Variants in SCTR observed in about 807,000 individuals in gnomAD.
SCTR encodes secretin receptor.
A neutral mutation model predicts 60.8 loss-of-function variants in SCTR; 56 were observed. That is an observed-to-expected ratio of 0.92 (90% CI 0.74 to 1.15). The LOEUF (loss-of-function observed/expected upper bound fraction) is 1.15, where lower values mean the gene tolerates loss of function less well. Among genes scored for constraint, SCTR ranks in the 50% most tolerant of loss-of-function variants. The probability of loss-of-function intolerance (pLI) is 0.00; values close to 1 mark genes in which losing one functional copy is unlikely to be tolerated. For synonymous variants in SCTR, 202 were observed against 217.0 expected (o/e 0.93, Z 0.61); for missense variants, 562 against 550.4 (o/e 1.02, Z -0.21).
Position 119,439,969 on chromosome 2 carries a change from T to A in SCTR, c.*148A>T. 1 of 804,502 alleles carries A rather than the reference T, an allele frequency of 1.2e-6. No homozygotes were observed. The highest frequency in any genetic ancestry group is 1.9e-6 in the Non-Finnish European group (1 of 521,314). 49.8% of individuals were successfully genotyped at this position (804,502 alleles called of 1,614,324 possible). A position where few individuals can be genotyped will look rare whatever the true frequency, so the allele number is the denominator to read the frequency against. Reference sequence around the variant, plus strand: ...CTGCCCCACAGTGCCTCACATCCCTTCGGAAGAGTCCAAGGCCTGGGGAGG... The same window carrying A: ...CTGCCCCACAGTGCCTCACATCCCTACGGAAGAGTCCAAGGCCTGGGGAGG... On this transcript the variant is annotated 3_prime_UTR_variant, in exon 13 of 13. Transcript: ENST00000019103.
chr2:119,467,614 A>G (rs1179372924), intron 4 of SCTR, among the ~76,000 whole-genome samples: 1 of 152,162 alleles, frequency 6.6e-6, no homozygotes, highest in East Asian at 1.9e-4. Flanking sequence ...CCTCCCTTCT[A>G]CCTTCAGGAA....
At chr2:119,501,303 G>A (rs977615654) in intron 1 of SCTR, among the ~76,000 whole-genome samples, 30 of 152,162 alleles carry the variant, frequency 2.0e-4, no homozygotes, top group African/African-American at 1.9e-4. Context: ...CCAGCTACTC[G>A]GGAGGCTGAG....
Position 119,465,815 on chromosome 2 carries a change from G to T in SCTR, c.477C>A (p.Val159=). ...GYSSSLVMLL[V]ALGILCAFRR... ...GGAAAGCACAGAGGATGCCAAGGGC[G>T]ACCAGGAGCATGACCAGGGAGGAGC... The change falls in exon 5 of 13, where the codon GTC becomes GTA. Residue 159 remains valine, a synonymous_variant. Coordinates refer to ENST00000019103, the MANE Select transcript of SCTR (RefSeq NM_002980.3). The T allele has an allele frequency of 6.2e-7, 1 of 1,613,776 alleles. No individual in the cohort carries two copies. The highest frequency in any genetic ancestry group is 1.1e-5 in the South Asian group (1 of 91,018).
intron 1 of SCTR, among the ~76,000 whole-genome samples, chr2:119,517,273 C>A (rs113356567): frequency 0.02 from 3,045 of 152,062 alleles, 87 homozygotes; most frequent in African/African-American, 0.068. Flanking sequence ...ATTCCTCCCG[C>A]CTCAACCTCC....
intron 9 of SCTR, among the ~76,000 whole-genome samples, chr2:119,450,154 A>C (rs1259196671): frequency 4.6e-5 from 7 of 152,068 alleles, no homozygotes; most frequent in Admixed American, 4.6e-4. Flanking sequence ...GCAAGGAAGC[A>C]AGCAAGCAAG....
At chr2:119,473,615 G>T in intron 3 of SCTR, 59 bp from the exon 4 acceptor site, 1 of 1,042,430 alleles carries the variant, frequency 9.6e-7, no homozygotes, top group Non-Finnish European at 1.5e-6. Context: ...GATTTTCATA[G>T]TAACATCTAT....
intron 1 of SCTR, among the ~76,000 whole-genome samples, chr2:119,519,155 G>A (rs1464147344): frequency 6.6e-6 from 1 of 152,038 alleles, no homozygotes; most frequent in East Asian, 1.9e-4. Context: ...GTAAAGACAG[G>A]GTTTCTCCAT....
intron 1 of SCTR, among the ~76,000 whole-genome samples, chr2:119,496,378 G>A (rs1678345917): frequency 6.6e-6 from 1 of 152,142 alleles, no homozygotes; most frequent in Non-Finnish European, 1.5e-5. Context: ...GTACTTCTGG[G>A]AATCCATCCC....
In SCTR at chr2:119,524,255, C is replaced by G; in HGVS notation, c.-29G>C. The G allele has an allele frequency of 7.2e-7, 1 of 1,398,374 alleles. No individual in the cohort carries two copies. The highest frequency in any genetic ancestry group is 9.3e-7 in the Non-Finnish European group (1 of 1,069,800). The allele number at this position is 1,398,374 out of a possible 1,614,324, so 86.6% of individuals were successfully genotyped here. ...GCCCGCACGTTCCCCGAGGGCGCCC[C>G]GACGTCCGCCTGCCCGTGCCCTCTG... On this transcript the variant is annotated 5_prime_UTR_variant, in exon 1 of 13. Coordinates refer to ENST00000019103, the MANE Select transcript of SCTR (RefSeq NM_002980.3).
intron 1 of SCTR, among the ~76,000 whole-genome samples, chr2:119,501,775 AAAG>A (rs148264278): frequency 6.6e-5 from 10 of 151,970 alleles, no homozygotes; most frequent in East Asian, 1.9e-4. Context: ...CAAAAAATAC[AAAG>A]AAGAAGAAGA....
At chr2:119,443,067 G>A (rs746407812) in intron 11 of SCTR, among the ~76,000 whole-genome samples, 28 of 152,142 alleles carry the variant, frequency 1.8e-4, no homozygotes, top group African/African-American at 4.6e-4. Context: ...CCAGAGCCAC[G>A]AGCAGGCCAA....
At chr2:119,507,551 G>T (rs1473603775) in intron 1 of SCTR, among the ~76,000 whole-genome samples, 3 of 150,906 alleles carry the variant, frequency 2.0e-5, no homozygotes, top group African/African-American at 7.3e-5. Flanking sequence ...GCAGTTATTA[G>T]TTTAAAGAAA....
intron 1 of SCTR, among the ~76,000 whole-genome samples, chr2:119,520,228 T>C (rs979912896): frequency 3.9e-5 from 6 of 152,162 alleles, no homozygotes; most frequent in Non-Finnish European, 7.3e-5. Context: ...AGGCTGGGCA[T>C]GGTGGCTCAT....
intron 2 of SCTR, among the ~76,000 whole-genome samples, chr2:119,481,665 T>C (rs796917651): frequency 3.7e-4 from 57 of 152,270 alleles, no homozygotes; most frequent in African/African-American, 1.3e-3. Flanking sequence ...GTCTTCACCT[T>C]GGTACCTGGG....
intron 1 of SCTR, among the ~76,000 whole-genome samples, chr2:119,496,618 C>T (rs1156839695): frequency 6.6e-5 from 10 of 152,174 alleles, no homozygotes; most frequent in Non-Finnish European, 1.3e-4. Context: ...CCAAGAATGA[C>T]CCAGTGGTGA....
In SCTR at chr2:119,466,394, C is replaced by T. The variant is rs77614639; in HGVS notation, c.406-508G>A. On this transcript the variant is annotated intron_variant, in intron 4 of 12. Coordinates refer to ENST00000019103, the MANE Select transcript of SCTR (RefSeq NM_002980.3). ...AGTTACAAAGGTCATACAGGGAGGCCTGCCATTTTTTAATACAGCTATTCT... is the reference window on the plus strand; with the variant it reads ...AGTTACAAAGGTCATACAGGGAGGCTTGCCATTTTTTAATACAGCTATTCT... 8.2e-3 allele frequency among the ~76,000 whole-genome samples: 1,254 copies of T among 152,160 alleles called. 12 individuals are homozygous for T. Among genetic ancestry groups the T allele is most frequent in the African/African-American group, 0.028 (1,156 of 41,504 alleles).
At chr2:119,477,156 G>A (rs796876659) in intron 3 of SCTR, among the ~76,000 whole-genome samples, 5 of 152,272 alleles carry the variant, frequency 3.3e-5, no homozygotes, top group African/African-American at 9.6e-5. Context: ...CTTGGATCCC[G>A]GGGCTGACTG....
chr2:119,441,928 T>C (rs1482879432), intron 11 of SCTR, among the ~76,000 whole-genome samples: 4 of 152,118 alleles, frequency 2.6e-5, no homozygotes, highest in Admixed American at 6.5e-5. Context: ...GCACCTGAAG[T>C]CCGCCCACTC....
chr2:119,441,598 C>A lies in SCTR; in HGVS notation c.1142G>T (p.Gly381Val). ...GCAGTAGAGGACGGCCACCACCAGTCCCTGCCAGAAGAAGAGAGGTAGCAG... is the reference window on the plus strand; with the variant it reads ...GCAGTAGAGGACGGCCACCACCAGTACCTGCCAGAAGAAGAGAGGTAGCAG... ...FFELALGSFQ[G>V]LVVAVLYCFL... The change falls in exon 12 of 13, where the codon GGA becomes GTA. Residue 381 changes from glycine (G) to valine (V), a missense_variant and splice_region_variant. Gly to Val is a moderately radical substitution (Grantham distance 109, BLOSUM62 -3). Transcript: ENST00000019103. The A allele has an allele frequency of 6.2e-7, 1 of 1,613,084 alleles. No individual in the cohort carries two copies. The highest frequency in any genetic ancestry group is 8.5e-7 in the Non-Finnish European group (1 of 1,179,502).
Sources: allele counts gnomAD v4.1 joint callset (sites outside exome capture counted in the v4.1 genomes callset), GRCh38; gene constraint gnomAD v4.1.1; transcripts MANE v1.5; gene names NCBI Gene and HGNC (gene_info 2026-07-23, HGNC 2026-07-21).